MGP: variants seen among roughly 807,000 people sequenced by gnomAD.
MGP encodes the protein matrix Gla protein, also known as cell growth-inhibiting gene 36 protein.
A neutral mutation model predicts 14.5 loss-of-function variants in MGP; 13 were observed. The ratio of observed to expected loss-of-function variants is 0.89; its 90% confidence interval spans 0.58 to 1.42. The LOEUF (loss-of-function observed/expected upper bound fraction) is 1.42, where lower values mean the gene tolerates loss of function less well. Ranked by LOEUF, MGP falls within the 40% of genes most tolerant of loss-of-function variation. The pLI is 0.00. For missense variants in MGP, 128 were observed against 133.7 expected (o/e 0.96, Z 0.21); for synonymous variants, 44 against 46.3 (o/e 0.95, Z 0.20).
chr12:14,882,947 C>G (rs1278690262), intron 3 of MGP, 25 bp downstream of exon 3: 7 of 1,534,382 alleles, frequency 4.6e-6, no homozygotes, highest in Non-Finnish European at 9.0e-7. Context: ...AAAATGACCA[C>G]TCCTCATGAA....
At chr12:14,884,715 C>A (rs951342832) in intron 1 of MGP, 26 of 1,026,598 alleles carry the variant, frequency 2.5e-5, no homozygotes, top group Non-Finnish European at 3.3e-5. Context: ...CTCTGCTGGG[C>A]TTACTAGGGC....
chr12:14,884,914 T>C (rs529643834), intron 1 of MGP: 8 of 1,521,026 alleles, frequency 5.3e-6, no homozygotes, highest in African/African-American at 1.4e-5. Context: ...AATTTTGGAA[T>C]AAGAAGCTTC....
At chr12:14,884,290 G>C (rs1469786083) in intron 1 of MGP, 45 bp from the exon 2 acceptor site, 2 of 1,201,442 alleles carry the variant, frequency 1.7e-6, no homozygotes, top group Non-Finnish European at 2.4e-6. Flanking sequence ...ATTTATCCAT[G>C]ATTCATTATG....
At chr12:14,882,931 C>T (rs572317999) in intron 3 of MGP, 41 bp downstream of exon 3, 11 of 1,350,482 alleles carry the variant, frequency 8.1e-6, no homozygotes, top group Non-Finnish European at 1.2e-5. Flanking sequence ...GTGATCTACA[C>T]TGGGAAAAAT....
intron 3 of MGP, 109 bp from the exon 4 acceptor site, chr12:14,882,389 A>G (rs1863388370): frequency 2.3e-6 from 3 of 1,312,948 alleles, no homozygotes; most frequent in Non-Finnish European, 3.3e-6. Context: ...GCCCCCCTAT[A>G]TTAAGAGATA....
chr12:14,883,149 AT>A (rs1863400740), intron 2 of MGP, 102 bp from the exon 3 acceptor site: 3 of 916,316 alleles, frequency 3.3e-6, no homozygotes, highest in Non-Finnish European at 5.3e-6. Flanking sequence ...GCCTTAACTT[AT>A]GCAACTCATA....
chr12:14,882,218 A>T lies in MGP; in HGVS notation c.233T>A (p.Leu78His). 1 of 1,614,090 alleles carries T rather than the reference A, an allele frequency of 6.2e-7. No individual in the cohort carries two copies. The highest frequency in any genetic ancestry group is 8.5e-7 in the Non-Finnish European group (1 of 1,179,980). Residue 78 changes from leucine (L) to histidine (H), a missense_variant, in exon 4 of 4, where the codon CTT becomes CAT. Leu to His is a moderately conservative substitution (Grantham distance 99, BLOSUM62 -3). Transcript: ENST00000539261. The part of the protein sequence containing the change: ...LNREACDDYR[L>H]CERYAMVYGY... Reference sequence around the variant, plus strand: ...ATAAACCATGGCGTAGCGTTCGCAAAGTCTGTAGTCATCACAGGCTTCCCT... The same window carrying T: ...ATAAACCATGGCGTAGCGTTCGCAATGTCTGTAGTCATCACAGGCTTCCCT...
intron 2 of MGP, chr12:14,883,866 G>C (rs1426244620): frequency 5.1e-6 from 1 of 194,412 alleles, no homozygotes; most frequent in Non-Finnish European, 1.1e-5. Flanking sequence ...TGGCGCCTGT[G>C]GTCTCCCAGC....
In MGP at chr12:14,882,276, G is replaced by C. The variant is rs753401003; in HGVS notation, c.175C>G (p.Arg59Gly). The change falls in exon 4 of 4, where the codon CGA becomes GGA. Residue 59 changes from arginine (R) to glycine (G), a missense_variant. By Grantham distance (125) the Arg-to-Gly change is moderately radical. Coordinates refer to ENST00000539261, the MANE Select transcript of MGP (RefSeq NM_000900.5). ...TCGTGGACAGGCTTAGAGCGTTCTC[G>C]GATCCTAGAAAGTGGAAGAAGAGGC... ...RWRAKVQERIRERSKPVHELN... is the reference protein window; with the variant it reads ...RWRAKVQERIGERSKPVHELN... 5.0e-6 allele frequency: 8 copies of C among 1,613,816 alleles called. No homozygotes were observed. The East Asian group carries it at 1.3e-4, about 27-fold the overall frequency.
intron 1 of MGP, chr12:14,884,727 G>T: frequency 8.2e-7 from 1 of 1,221,460 alleles, no homozygotes; most frequent in South Asian, 1.6e-5. Flanking sequence ...TACTAGGGCA[G>T]GTTTCTAAGA....
intron 2 of MGP, chr12:14,883,574 G>A (rs997769174): frequency 3.4e-5 from 6 of 176,426 alleles, no homozygotes; most frequent in Non-Finnish European, 7.3e-5. Context: ...TGTGGTGGGT[G>A]GATCACTTGA....
At chr12:14,883,244 A>C in intron 2 of MGP, 197 bp from the exon 3 acceptor site, 1 of 565,890 alleles carries the variant, frequency 1.8e-6, no homozygotes. Flanking sequence ...TAATCAATCC[A>C]TGTGTCTTAG....
chr12:14,885,393 T>A (rs763324419), intron 1 of MGP, among the ~76,000 whole-genome samples: 77 of 152,302 alleles, frequency 5.1e-4, no homozygotes, highest in South Asian at 1.9e-3. Context: ...CCTTAACCCA[T>A]TGATACCAAA....
rs1320683143 is a variant in MGP, at chr12:14,880,980, G to GA, written c.*1158dup. 6.6e-6 allele frequency among the ~76,000 whole-genome samples: 1 copy of GA among 152,128 alleles called. No homozygotes were observed. The highest frequency in any genetic ancestry group is 1.9e-4 in the East Asian group (1 of 5,196). On this transcript the variant is annotated 3_prime_UTR_variant, in exon 4 of 4. Transcript: ENST00000539261. Reference sequence around the variant, plus strand: ...GTGGAATACCTTAAAATAATTAAAAGAAACGTGGCAACTTGGGATTCAATA... The same window carrying GA: ...GTGGAATACCTTAAAATAATTAAAAGAAAACGTGGCAACTTGGGATTCAATA...
Position 14,880,948 on chromosome 12 carries a change from G to A in MGP, c.*1191C>T, listed in dbSNP as rs1863365200. On this transcript the variant is annotated 3_prime_UTR_variant, in exon 4 of 4. Transcript: ENST00000539261. ...TTATATCGAAAAATTGTGCAAGCTA[G>A]AATTCAGTGGAATACCTTAAAATAA... Among the ~76,000 whole-genome samples, 1 of 152,132 alleles carries A rather than the reference G, an allele frequency of 6.6e-6. No individual in the cohort carries two copies. The highest frequency in any genetic ancestry group is 2.4e-5 in the African/African-American group (1 of 41,424).
chr12:14,884,828 A>C (rs1227454697), intron 1 of MGP: 1 of 1,534,758 alleles, frequency 6.5e-7, no homozygotes, highest in Admixed American at 2.0e-5. Context: ...GCACGATGCC[A>C]GTTCAGAGAG....
Position 14,881,527 on chromosome 12 carries a change from T to G in MGP, c.*612A>C, listed in dbSNP as rs1863372799. 1 of 153,812 alleles carries G rather than the reference T, an allele frequency of 6.5e-6. No homozygotes were observed. The highest frequency in any genetic ancestry group is 1.4e-5 in the Non-Finnish European group (1 of 69,132). 9.5% of individuals were successfully genotyped at this position (153,812 alleles called of 1,614,324 possible). On this transcript the variant is annotated 3_prime_UTR_variant, in exon 4 of 4. Coordinates refer to ENST00000539261, the MANE Select transcript of MGP (RefSeq NM_000900.5). ...GACAGTTTTTGCCAATTGCTTTTAT[T>G]TGTCCCTTCTGCTTTCTCTTTTCCT...
At chr12:14,884,845 G>A (rs1242391269) in intron 1 of MGP, 1 of 1,535,016 alleles carries the variant, frequency 6.5e-7, no homozygotes. Flanking sequence ...AGAGAGAACT[G>A]AAACGATATC....
chr12:14,883,691 C>A (rs960889271), intron 2 of MGP: 1 of 161,504 alleles, frequency 6.2e-6, no homozygotes, highest in African/African-American at 2.4e-5. Flanking sequence ...CCCAGCTACT[C>A]AGGAGGCTGA....
Sources: gnomAD v4.1 joint callset for allele counts (sites outside exome capture counted in the v4.1 genomes callset) on GRCh38, gnomAD v4.1.1 for gene constraint, MANE v1.5 for transcripts, NCBI Gene and HGNC (gene_info 2026-07-23, HGNC 2026-07-21) for gene names.